The following PXN variants were observed in gnomAD, a reference collection of about 807,000 sequenced individuals.
The protein encoded by PXN is paxillin.
In PXN, 61 loss-of-function variants were observed where a neutral mutation model predicts 103.6. That is an observed-to-expected ratio of 0.59 (90% CI 0.48 to 0.73). PXN has a LOEUF of 0.73. PXN is among the 30% of genes least tolerant of loss of function. The probability of loss-of-function intolerance (pLI) is 0.00; values close to 1 mark genes in which losing one functional copy is unlikely to be tolerated. For missense variants in PXN, 1,274 were observed against 1,460.3 expected (o/e 0.87, Z 2.08); for synonymous variants, 562 against 607.8 (o/e 0.92, Z 1.11).
Position 120,222,593 on chromosome 12 carries a change from C to A in PXN, c.651G>T (p.Val217=). 1 of 1,608,904 alleles carries A rather than the reference C, an allele frequency of 6.2e-7. No homozygotes were observed. The highest frequency in any genetic ancestry group is 8.5e-7 in the Non-Finnish European group (1 of 1,178,028). The part of the protein sequence containing the change: ...GRGLEDVRPS[V]ESLLDELESS... ...TCTCCAGTTCATCCAAGAGACTCTCCACACTGGGCCGCACGTCCTCCAGGC... is the reference window on the plus strand; with the variant it reads ...TCTCCAGTTCATCCAAGAGACTCTCAACACTGGGCCGCACGTCCTCCAGGC... The change falls in exon 5 of 15, where the codon GTG becomes GTT. Residue 217 remains valine (V), a synonymous_variant. Transcript: ENST00000637617. The surrounding 1 kb of genome is among the most constrained non-coding windows in gnomAD (Gnocchi z 4.7).
chr12:120,215,716 A>G lies in PXN; in HGVS notation c.2302-55T>C. On this transcript the variant is annotated intron_variant, in intron 9 of 14. Transcript: ENST00000637617. The surrounding 1 kb of genome is among the most constrained non-coding windows in gnomAD (Gnocchi z 4.9). ...AATCTTTTTTAAAAATTAAGAAAGA[A>G]TACAAGACCTTGTCACTGGACTAAA... 1.3e-6 allele frequency: 2 copies of G among 1,522,986 alleles called. No homozygotes were observed. The highest frequency in any genetic ancestry group is 2.0e-5 in the Admixed American group (1 of 49,238). 94.3% of individuals were successfully genotyped at this position (1,522,986 alleles called of 1,614,324 possible).
chr12:120,224,552 G>A lies in PXN; in HGVS notation c.14-175C>T. On this transcript the variant is annotated intron_variant, in intron 1 of 14. Transcript: ENST00000637617. This position sits in a 1 kb window ranked among gnomAD's most constrained non-coding sequence, Gnocchi z 5.0. ...CACCAGCCCCGACCAGCCTAACCAA[G>A]AGCCGGCTCCCAAAGCTAACTTCTT... 1 of 716,172 alleles carries A rather than the reference G, an allele frequency of 1.4e-6. No homozygotes were observed. The highest frequency in any genetic ancestry group is 2.6e-5 in the East Asian group (1 of 38,108). The allele number at this position is 716,172 out of a possible 1,614,324, so 44.4% of individuals were successfully genotyped here.
intron 1 of PXN, among the ~76,000 whole-genome samples, chr12:120,256,740 C>T (rs1034326146): frequency 3.9e-5 from 6 of 151,966 alleles, no homozygotes; most frequent in African/African-American, 1.5e-4. Context: ...GTTTTTGAGA[C>T]GGAATCTCGC....
At position 120,215,354 on chromosome 12, in the gene PXN, C is replaced by A; in HGVS notation, c.2404-81G>T. On this transcript the variant is annotated intron_variant, in intron 10 of 14. Coordinates refer to ENST00000637617, the MANE Select transcript of PXN (RefSeq NM_001385981.1). This position sits in a 1 kb window ranked among gnomAD's most constrained non-coding sequence, Gnocchi z 4.9. The stretch of plus-strand genomic sequence containing the variant: ...GCAGCACAGGGATGGGGGTACTTTT[C>A]TCCCTCCTGGACAGATGAGCTGATG... 6.6e-7 allele frequency: 1 copy of A among 1,516,672 alleles called. No homozygotes were observed. Among genetic ancestry groups the A allele is most frequent in the Non-Finnish European group, 8.8e-7 (1 of 1,136,332 alleles). 94.0% of individuals were successfully genotyped at this position (1,516,672 alleles called of 1,614,324 possible).
At chr12:120,242,796 G>A (rs1196969738) in intron 1 of PXN, among the ~76,000 whole-genome samples, 4 of 151,800 alleles carry the variant, frequency 2.6e-5, no homozygotes, top group Non-Finnish European at 5.9e-5. Flanking sequence ...CAGGAGAATT[G>A]CTTGAACCTG....
rs1315789070 is a variant in PXN at position 120,223,728 on chromosome 12, G to A, written c.346C>T (p.His116Tyr). 8.2e-6 allele frequency: 13 copies of A among 1,592,600 alleles called. No individual in the cohort carries two copies. The highest frequency in any genetic ancestry group is 9.4e-6 in the Non-Finnish European group (11 of 1,169,002). Residue 116 changes from histidine (H) to tyrosine (Y), a missense_variant, in exon 3 of 15, where the codon CAC becomes TAC. Coordinates refer to ENST00000637617, the MANE Select transcript of PXN (RefSeq NM_001385981.1). ...AGACTGGGGCAGTACCTGTAGACGT[G>A]CTCCTCCTCACCCACTCGGGAGCAC... ...SPCSRVGEEEHVYSFPNKQKS... is the reference protein window; with the variant it reads ...SPCSRVGEEEYVYSFPNKQKS...
Position 120,228,382 on chromosome 12 carries a change from G to A in PXN, c.14-4005C>T, listed in dbSNP as rs543238897. Among the ~76,000 whole-genome samples, 1 of 152,362 alleles carries A rather than the reference G, an allele frequency of 6.6e-6. No individual in the cohort carries two copies. The highest frequency in any genetic ancestry group is 2.4e-5 in the African/African-American group (1 of 41,578). On this transcript the variant is annotated intron_variant, in intron 1 of 14. Coordinates refer to ENST00000637617, the MANE Select transcript of PXN (RefSeq NM_001385981.1). This position sits in a 1 kb window ranked among gnomAD's most constrained non-coding sequence, Gnocchi z 4.7. ...CCAGCGGAAGTATGCAACATGAGGA[G>A]GTAGGCCAGGCTGTCTCGAGGCTGA...
chr12:120,215,830 G>A lies in PXN; in HGVS notation c.2302-169C>T. 2 of 1,299,710 alleles carry A rather than the reference G, an allele frequency of 1.5e-6. No homozygotes were observed. The highest frequency in any genetic ancestry group is 1.0e-6 in the Non-Finnish European group (1 of 981,248). The allele number at this position is 1,299,710 out of a possible 1,614,324, so 80.5% of individuals were successfully genotyped here. On this transcript the variant is annotated intron_variant, in intron 9 of 14. Coordinates refer to ENST00000637617, the MANE Select transcript of PXN (RefSeq NM_001385981.1). The surrounding 1 kb of genome is among the most constrained non-coding windows in gnomAD (Gnocchi z 4.9). The stretch of plus-strand genomic sequence containing the variant: ...AATCTGGAGAAAAAGAGCCCTGAGA[G>A]AGAGGCCTAGGGAGAAAGGAAGAAG...
intron 1 of PXN, chr12:120,249,929 C>A (rs1891876073): frequency 1.2e-5 from 12 of 985,346 alleles, no homozygotes; most frequent in Non-Finnish European, 1.3e-5. Context: ...GGTGAAGAAA[C>A]TGCACATCCA....
At chr12:120,241,457 T>G (rs962239058) in intron 1 of PXN, among the ~76,000 whole-genome samples, 3 of 152,210 alleles carry the variant, frequency 2.0e-5, no homozygotes, top group African/African-American at 7.2e-5. Context: ...CTCCCTCCGA[T>G]GCTCTCACTG....
Position 120,265,644 on chromosome 12 carries a change from C to T in PXN, c.-15G>A. ...AGGTCGTCCATGGCCGGACCACGGGCGCCGGCTCAGGGTCGCGCTAGCTGC... is the reference window on the plus strand; with the variant it reads ...AGGTCGTCCATGGCCGGACCACGGGTGCCGGCTCAGGGTCGCGCTAGCTGC... On this transcript the variant is annotated 5_prime_UTR_variant, in exon 1 of 15. Coordinates refer to ENST00000637617, the MANE Select transcript of PXN (RefSeq NM_001385981.1). The surrounding 1 kb of genome is among the most constrained non-coding windows in gnomAD (Gnocchi z 5.7). 1 of 1,474,078 alleles carries T rather than the reference C, an allele frequency of 6.8e-7. No homozygotes were observed. Among genetic ancestry groups the T allele is most frequent in the Non-Finnish European group, 8.9e-7 (1 of 1,117,794 alleles). 91.3% of individuals were successfully genotyped at this position (1,474,078 alleles called of 1,614,324 possible).
chr12:120,212,287 AGGG>A lies in PXN; in HGVS notation c.*24_*26del. Reference sequence around the variant, plus strand: ...CGCAGTTGGGGATGCTGGCTGGGGAAGGGGGGCAGAGACAGGGGCAGGGCACCT... The same window carrying A: ...CGCAGTTGGGGATGCTGGCTGGGGAAGGGCAGAGACAGGGGCAGGGCACCT... On this transcript the variant is annotated 3_prime_UTR_variant, in exon 15 of 15. Transcript: ENST00000637617. This position sits in a 1 kb window ranked among gnomAD's most constrained non-coding sequence, Gnocchi z 7.2. 1 of 1,601,204 alleles carries A rather than the reference AGGG, an allele frequency of 6.2e-7. No individual in the cohort carries two copies. The highest frequency in any genetic ancestry group is 8.5e-7 in the Non-Finnish European group (1 of 1,173,034).
Position 120,219,686 on chromosome 12 carries a change from C to G in PXN, c.1237G>C (p.Glu413Gln). The G allele has an allele frequency of 6.3e-7, 1 of 1,591,014 alleles. No individual in the cohort carries two copies. The highest frequency in any genetic ancestry group is 8.5e-7 in the Non-Finnish European group (1 of 1,176,696). ...GGTGGCCCCTGGGGCTCCCCAGGCT[C>G]TTGGAGAGCTGTGCTCCCAGCACAG... is the stretch of plus-strand genomic sequence containing the variant. ...VPCAGSTALQ[E>Q]PGEPQGPPAS... Residue 413 changes from glutamate (E) to glutamine (Q), a missense_variant, in exon 7 of 15, where the codon GAG (glutamate) becomes CAG (glutamine). By Grantham distance (29) the Glu-to-Gln change is conservative (BLOSUM62 2). Around this residue, in one of 2 missense-constraint regions of PXN, gnomAD observed 1,178 missense variants for 1,309.0 expected, o/e 0.90. Coordinates refer to ENST00000637617, the MANE Select transcript of PXN (RefSeq NM_001385981.1). The surrounding 1 kb of genome is among the most constrained non-coding windows in gnomAD (Gnocchi z 6.5).
chr12:120,220,146 G>T lies in PXN; in HGVS notation c.832-55C>A. Reference sequence around the variant, plus strand: ...GGAGAGAGAGAGATGAGGGGAGTGAGGACGGCTGCACCTTGCAGGCGGTGG... The same window carrying T: ...GGAGAGAGAGAGATGAGGGGAGTGATGACGGCTGCACCTTGCAGGCGGTGG... On this transcript the variant is annotated intron_variant, in intron 6 of 14. Coordinates refer to ENST00000637617, the MANE Select transcript of PXN (RefSeq NM_001385981.1). This position sits in a 1 kb window ranked among gnomAD's most constrained non-coding sequence, Gnocchi z 6.1. 1 of 729,368 alleles carries T rather than the reference G, an allele frequency of 1.4e-6. No individual in the cohort carries two copies. The highest frequency in any genetic ancestry group is 2.2e-6 in the Non-Finnish European group (1 of 459,022). 45.2% of individuals were successfully genotyped at this position (729,368 alleles called of 1,614,324 possible). A position where few individuals can be genotyped will look rare whatever the true frequency, so the allele number is the denominator to read the frequency against.
rs988798261 is a variant in PXN at position 120,214,293 on chromosome 12, T to G, written c.2749-76A>C. On this transcript the variant is annotated intron_variant, in intron 12 of 14. Coordinates refer to ENST00000637617, the MANE Select transcript of PXN (RefSeq NM_001385981.1). This position sits in a 1 kb window ranked among gnomAD's most constrained non-coding sequence, Gnocchi z 5.0. ...ACTGAGACGCCCAGCAAGGCCGTCCTTCCACCCGCAGCTCATAGCCATAGA... is the reference window on the plus strand; with the variant it reads ...ACTGAGACGCCCAGCAAGGCCGTCCGTCCACCCGCAGCTCATAGCCATAGA... 8 of 1,293,522 alleles carry G rather than the reference T, an allele frequency of 6.2e-6. No individual in the cohort carries two copies. The highest frequency in any genetic ancestry group is 1.5e-5 in the African/African-American group (1 of 67,876). The allele number at this position is 1,293,522 out of a possible 1,614,324, so 80.1% of individuals were successfully genotyped here. A position where few individuals can be genotyped will look rare whatever the true frequency, so the allele number is the denominator to read the frequency against.
chr12:120,256,142 G>C (rs1298165190), intron 1 of PXN, among the ~76,000 whole-genome samples: 1 of 151,982 alleles, frequency 6.6e-6, no homozygotes, highest in East Asian at 1.9e-4. Context: ...GACACATGGT[G>C]GCTCACACTT....
rs1404204038 is a variant in PXN at position 120,265,199 on chromosome 12, G to C, written c.13+418C>G. 6.7e-6 allele frequency among the ~76,000 whole-genome samples: 1 copy of C among 149,630 alleles called. No individual in the cohort carries two copies. The highest frequency in any genetic ancestry group is 1.5e-5 in the Non-Finnish European group (1 of 67,058). On this transcript the variant is annotated intron_variant, in intron 1 of 14. Coordinates refer to ENST00000637617, the MANE Select transcript of PXN (RefSeq NM_001385981.1). The surrounding 1 kb of genome is among the most constrained non-coding windows in gnomAD (Gnocchi z 5.7). ...CGGGCAGCTGCTCCCCGAGTTGGGC[G>C]GTCGATCTGTGAGGTGGGGGTGGGG... is the stretch of plus-strand genomic sequence containing the variant.
intron 1 of PXN, among the ~76,000 whole-genome samples, chr12:120,238,363 A>G (rs1594464387): frequency 6.6e-6 from 1 of 152,108 alleles, no homozygotes; most frequent in African/African-American, 2.4e-5. Flanking sequence ...TCATGGGTAA[A>G]CTGAACGGAG....
chr12:120,220,100 G>C lies in PXN; in HGVS notation c.832-9C>G. Reference sequence around the variant, plus strand: ...ACAGTGGAGGAGCTGGTCTGGAGAAGAGAGAAATGCAGAGGGGAGAGGAGA... The same window carrying C: ...ACAGTGGAGGAGCTGGTCTGGAGAACAGAGAAATGCAGAGGGGAGAGGAGA... On this transcript the variant is annotated splice_polypyrimidine_tract_variant and intron_variant, in intron 6 of 14. Transcript: ENST00000637617. This position sits in a 1 kb window ranked among gnomAD's most constrained non-coding sequence, Gnocchi z 6.1. The C allele has an allele frequency of 9.5e-7, 1 of 1,054,232 alleles. No individual in the cohort carries two copies. The highest frequency in any genetic ancestry group is 1.4e-6 in the Non-Finnish European group (1 of 738,888). The allele number at this position is 1,054,232 out of a possible 1,614,324, so 65.3% of individuals were successfully genotyped here. A position where few individuals can be genotyped will look rare whatever the true frequency, so the allele number is the denominator to read the frequency against.
Sources: gnomAD v4.1 joint callset for allele counts (sites outside exome capture counted in the v4.1 genomes callset) on GRCh38, gnomAD v4.1.1 for gene constraint, gnomAD v4.1.1 regional missense constraint, Gnocchi (gnomAD v3.1) non-coding constraint, MANE v1.5 for transcripts, NCBI Gene and HGNC (gene_info 2026-07-23, HGNC 2026-07-21) for gene names.